The following GPM6A variants were observed in gnomAD, a reference collection of about 807,000 sequenced individuals.
GPM6A encodes the protein neuronal membrane glycoprotein M6-a.
A neutral mutation model predicts 32.1 loss-of-function variants in GPM6A; 7 were observed. The observed-to-expected ratio is 0.22, with a 90% CI of 0.12 to 0.41. GPM6A has a LOEUF of 0.41. GPM6A is among the 10% of genes least tolerant of loss of function. The pLI is 1.00. For synonymous variants in GPM6A, 130 were observed against 123.4 expected (o/e 1.05, Z -0.35); for missense variants, 235 against 347.2 (o/e 0.68, Z 2.57).
intron 1 of GPM6A, among the ~76,000 whole-genome samples, chr4:175,981,299 T>C (rs1432668568): frequency 6.6e-6 from 1 of 152,194 alleles, no homozygotes; most frequent in Non-Finnish European, 1.5e-5. Context: ...TCATCCTTTT[T>C]AGAATAAAAT....
At chr4:175,780,952 A>G (rs1733591344) in intron 1 of GPM6A, among the ~76,000 whole-genome samples, 2 of 152,170 alleles carry the variant, frequency 1.3e-5, no homozygotes, top group African/African-American at 4.8e-5. Flanking sequence ...TGTAGAAAAG[A>G]TAAACTTGTG....
chr4:175,931,699 C>T (rs796171434), intron 1 of GPM6A, among the ~76,000 whole-genome samples: 17 of 145,936 alleles, frequency 1.2e-4, no homozygotes, highest in South Asian at 7.1e-4. Flanking sequence ...CACACACACA[C>T]ACACACACAC....
At chr4:175,782,977 T>C (rs1490817010) in intron 1 of GPM6A, among the ~76,000 whole-genome samples, 1 of 152,050 alleles carries the variant, frequency 6.6e-6, no homozygotes, top group African/African-American at 2.4e-5. Context: ...TTTATTGTTG[T>C]AAGTTATTAG....
At position 175,712,454 on chromosome 4, in the gene GPM6A, C is replaced by G. The variant is rs141935135; in HGVS notation, c.38-10687G>C. ...TAAGTGTCTTAGAAAAAGTCATCAT[C>G]AGAGAAGGGGAACAAGAAGTGCTTT... On this transcript the variant is annotated intron_variant, in intron 1 of 6. Transcript: ENST00000393658. Among the ~76,000 whole-genome samples the G allele has an allele frequency of 1.8e-3, 275 of 152,306 alleles. 4 individuals are homozygous for G. Among genetic ancestry groups the G allele is most frequent in the Admixed American group, 0.017 (256 of 15,298 alleles).
chr4:175,890,931 C>CA (rs775866637), intron 1 of GPM6A, among the ~76,000 whole-genome samples: 86 of 152,048 alleles, frequency 5.7e-4, no homozygotes, highest in Non-Finnish European at 4.9e-4. Flanking sequence ...CATTTAAACA[C>CA]AAAAAATGAT....
At chr4:175,938,791 T>C (rs961169187) in intron 1 of GPM6A, among the ~76,000 whole-genome samples, 16 of 150,796 alleles carry the variant, frequency 1.1e-4, no homozygotes, top group Admixed American at 6.6e-4. Flanking sequence ...CCAAGTACCC[T>C]GGCTTTACTG....
At chr4:175,882,839 C>T (rs1010106266) in intron 1 of GPM6A, among the ~76,000 whole-genome samples, 1 of 151,816 alleles carries the variant, frequency 6.6e-6, no homozygotes, top group African/African-American at 2.4e-5. Context: ...GATTAATCTT[C>T]CAGTGAGAAA....
chr4:175,731,465 G>T (rs1195108933), intron 1 of GPM6A, among the ~76,000 whole-genome samples: 1 of 151,728 alleles, frequency 6.6e-6, no homozygotes, highest in Non-Finnish European at 1.5e-5. Context: ...TCATGTCTTT[G>T]ATTCTTTAAG....
intron 2 of GPM6A, among the ~76,000 whole-genome samples, chr4:175,674,671 G>A (rs1743264539): frequency 6.6e-6 from 1 of 152,124 alleles, no homozygotes; most frequent in Non-Finnish European, 1.5e-5. Context: ...GTCAATTATA[G>A]TTGTATTCTA....
intron 1 of GPM6A, among the ~76,000 whole-genome samples, chr4:175,859,140 T>C (rs181598918): frequency 6.6e-6 from 1 of 152,346 alleles, no homozygotes; most frequent in African/African-American, 2.4e-5. Context: ...GATGTATACA[T>C]GTTAAATGTC....
chr4:175,750,445 G>A (rs116294421), intron 1 of GPM6A, among the ~76,000 whole-genome samples: 189 of 152,200 alleles, frequency 1.2e-3, no homozygotes, highest in African/African-American at 4.2e-3. Flanking sequence ...AATGTGTACC[G>A]GAGCACTCTT....
At chr4:175,928,777 A>G (rs1738930213) in intron 1 of GPM6A, among the ~76,000 whole-genome samples, 1 of 152,242 alleles carries the variant, frequency 6.6e-6, no homozygotes, top group South Asian at 2.1e-4. Flanking sequence ...ATCTTTATTC[A>G]TCACATTTTG....
At chr4:175,800,045 T>C (rs893219189) in intron 1 of GPM6A, among the ~76,000 whole-genome samples, 1 of 152,146 alleles carries the variant, frequency 6.6e-6, no homozygotes, top group Admixed American at 6.5e-5. Flanking sequence ...TATAAAGATG[T>C]TTCAAAATTG....
intron 1 of GPM6A, among the ~76,000 whole-genome samples, chr4:175,912,804 T>C (rs1230096949): frequency 1.3e-5 from 2 of 152,164 alleles, no homozygotes; most frequent in Admixed American, 6.6e-5. Context: ...CACCCTAGAA[T>C]GATGGTGAGA....
At chr4:175,960,137 T>C (rs1226518640) in intron 1 of GPM6A, among the ~76,000 whole-genome samples, 1 of 152,198 alleles carries the variant, frequency 6.6e-6, no homozygotes, top group African/African-American at 2.4e-5. Flanking sequence ...TCCTGACTTG[T>C]TTTCTTAAAT....
intron 1 of GPM6A, among the ~76,000 whole-genome samples, chr4:175,941,244 T>C (rs564624369): frequency 6.6e-6 from 1 of 152,220 alleles, no homozygotes; most frequent in Non-Finnish European, 1.5e-5. Flanking sequence ...ATTTTAATAA[T>C]GTTTTTGGAG....
At chr4:175,972,249 A>T (rs1740527167) in intron 1 of GPM6A, among the ~76,000 whole-genome samples, 2 of 152,252 alleles carry the variant, frequency 1.3e-5, no homozygotes, top group African/African-American at 4.8e-5. Context: ...ATGTATATAC[A>T]TTTAAGAAGA....
At chr4:175,687,277 G>A (rs868091418) in intron 2 of GPM6A, among the ~76,000 whole-genome samples, 5 of 152,186 alleles carry the variant, frequency 3.3e-5, no homozygotes, top group South Asian at 2.1e-4. Flanking sequence ...TCATTCAAAC[G>A]TTTTCATCTT....
At chr4:175,650,070 C>T (rs1171348418) in intron 4 of GPM6A, among the ~76,000 whole-genome samples, 2 of 152,112 alleles carry the variant, frequency 1.3e-5, no homozygotes, top group South Asian at 2.1e-4. Flanking sequence ...CCGATATTTA[C>T]AGGGGATTTG....
Sources: gnomAD v4.1 joint callset for allele counts (sites outside exome capture counted in the v4.1 genomes callset) on GRCh38, gnomAD v4.1.1 for gene constraint, MANE v1.5 for transcripts, NCBI Gene and HGNC (gene_info 2026-07-23, HGNC 2026-07-21) for gene names.